Variants in TBXAS1 observed in about 807,000 individuals in gnomAD.
TBXAS1 encodes thromboxane A synthase 1, also known as thromboxane-A synthase.
Under a neutral mutation model 60.7 loss-of-function variants are expected in TBXAS1, and 48 were observed. The observed-to-expected ratio is 0.79, with a 90% CI of 0.63 to 1.01. The LOEUF (loss-of-function observed/expected upper bound fraction) is 1.01, where lower values mean the gene tolerates loss of function less well. Among genes scored for constraint, TBXAS1 ranks in the 50% least tolerant of loss-of-function variants. The pLI is 0.00. For missense variants in TBXAS1, 685 were observed against 686.3 expected, an observed-to-expected ratio of 1.00 and a Z score of 0.02; for synonymous variants, 287 against 269.7, an observed-to-expected ratio of 1.06 and a Z score of -0.63.
chr7:139,842,888 T>TC (rs1436214228), intron 1 of TBXAS1, among the ~76,000 whole-genome samples: 2 of 152,152 alleles, frequency 1.3e-5, no homozygotes, highest in African/African-American at 2.4e-5. Context: ...GCCCCTTTTT[T>TC]CCCCTCGAAG....
intron 1 of TBXAS1, among the ~76,000 whole-genome samples, chr7:139,842,736 C>T (rs747718117): frequency 6.6e-6 from 1 of 152,234 alleles, no homozygotes; most frequent in Non-Finnish European, 1.5e-5. Flanking sequence ...TTGCTTTCAG[C>T]CTCAGCCCTC....
chr7:139,903,827 A>G (rs561496102), intron 3 of TBXAS1, among the ~76,000 whole-genome samples: 2 of 151,614 alleles, frequency 1.3e-5, no homozygotes, highest in Non-Finnish European at 2.9e-5. Context: ...GATTTTTTTG[A>G]GTTCATTGTA....
intron 3 of TBXAS1, among the ~76,000 whole-genome samples, chr7:139,884,554 C>T (rs915631025): frequency 1.3e-5 from 2 of 152,124 alleles, no homozygotes; most frequent in East Asian, 1.9e-4. Flanking sequence ...CTGTGGGTAC[C>T]GAGAGAGCAG....
chr7:139,794,900 A>T (rs1285137197), intron 4 of TBXAS1, among the ~76,000 whole-genome samples: 1 of 133,112 alleles, frequency 7.5e-6, no homozygotes. Flanking sequence ...ACATTTTCTT[A>T]ATCCAGTCTA....
chr7:139,922,908 A>T (rs1806588173), intron 4 of TBXAS1, among the ~76,000 whole-genome samples: 1 of 152,236 alleles, frequency 6.6e-6, no homozygotes, highest in African/African-American at 2.4e-5. Context: ...CCTTTGTCAT[A>T]AATCAAGAGA....
intron 9 of TBXAS1, among the ~76,000 whole-genome samples, chr7:139,964,336 C>T (rs1417347909): frequency 2.0e-5 from 3 of 152,202 alleles, no homozygotes; most frequent in African/African-American, 4.8e-5. Flanking sequence ...CCGCCTGCCT[C>T]GGCCTCCCAA....
rs1262935267 is a variant in TBXAS1, at chr7:139,975,073, AAC to A, written c.1134+12842_1134+12843del. On this transcript the variant is annotated intron_variant, in intron 9 of 12. Coordinates refer to ENST00000448866, the MANE Select transcript of TBXAS1 (RefSeq NM_001061.7). This position sits in a 1 kb window ranked among gnomAD's most constrained non-coding sequence, Gnocchi z 4.4. ...TGGACAACCAGGCAGGAGTCAATGC[AAC>A]AGTCTAGACACAGAATTCTTTCTTC... Among the ~76,000 whole-genome samples, 2 of 152,230 alleles carry A rather than the reference AAC, an allele frequency of 1.3e-5. No homozygotes were observed. Among genetic ancestry groups the A allele is most frequent in the Non-Finnish European group, 2.9e-5 (2 of 68,032 alleles).
Position 139,852,358 on chromosome 7 carries a change from G to GA in TBXAS1, c.90-19875dup, listed in dbSNP as rs944742049. ...CAAACCCAGAAAAGTGGTCTGTTCGGAAGGTCAGGCAGGTTCTGTGGGTCT... is the reference window on the plus strand; with the variant it reads ...CAAACCCAGAAAAGTGGTCTGTTCGGAAAGGTCAGGCAGGTTCTGTGGGTCT... On this transcript the variant is annotated intron_variant, in intron 1 of 12. Coordinates refer to ENST00000448866, the MANE Select transcript of TBXAS1 (RefSeq NM_001061.7). This position sits in a 1 kb window ranked among gnomAD's most constrained non-coding sequence, Gnocchi z 4.4. Among the ~76,000 whole-genome samples the GA allele has an allele frequency of 5.3e-5, 8 of 152,232 alleles. No individual in the cohort carries two copies. The highest frequency in any genetic ancestry group is 1.9e-4 in the African/African-American group (8 of 41,470).
At chr7:140,005,194 C>T (rs965597578) in intron 9 of TBXAS1, among the ~76,000 whole-genome samples, 2 of 152,180 alleles carry the variant, frequency 1.3e-5, no homozygotes, top group African/African-American at 2.4e-5. Flanking sequence ...TTTGGAAGGC[C>T]GAGGCAGGCG....
intron 4 of TBXAS1, among the ~76,000 whole-genome samples, chr7:139,915,056 A>C (rs1163647718): frequency 1.3e-5 from 2 of 152,214 alleles, no homozygotes; most frequent in Non-Finnish European, 2.9e-5. Context: ...TAAGATCTCC[A>C]GGAAATCCCA....
intron 3 of TBXAS1, among the ~76,000 whole-genome samples, chr7:139,904,535 G>A (rs1334898765): frequency 2.0e-5 from 3 of 152,152 alleles, no homozygotes; most frequent in Non-Finnish European, 4.4e-5. Context: ...ATTGCTTTTG[G>A]CAGTATGATC....
chr7:139,849,645 G>C (rs1410904007), intron 1 of TBXAS1, among the ~76,000 whole-genome samples: 1 of 152,170 alleles, frequency 6.6e-6, no homozygotes, highest in East Asian at 1.9e-4. Flanking sequence ...TGATGACGGA[G>C]CATGAGCACA....
intron 1 of TBXAS1, among the ~76,000 whole-genome samples, chr7:139,870,332 A>G (rs1801726379): frequency 6.6e-6 from 1 of 152,246 alleles, no homozygotes; most frequent in African/African-American, 2.4e-5. Flanking sequence ...AGATGTAATT[A>G]TGTGGTCCAA....
intron 9 of TBXAS1, among the ~76,000 whole-genome samples, chr7:139,971,523 G>A (rs1004236795): frequency 6.6e-6 from 1 of 152,270 alleles, no homozygotes; most frequent in East Asian, 1.9e-4. Context: ...GCCTGTTCCC[G>A]TCCTGGGGAT....
chr7:139,923,786 G>A (rs962757454), intron 4 of TBXAS1, among the ~76,000 whole-genome samples: 6 of 150,480 alleles, frequency 4.0e-5, no homozygotes, highest in African/African-American at 1.2e-4. Flanking sequence ...CACCTCCCTC[G>A]ACACTCTTTC....
chr7:140,017,703 C>T lies in TBXAS1; in HGVS notation c.1397C>T (p.Pro466Leu). Residue 466 changes from proline to leucine, a missense_variant, in exon 12 of 13, where the codon CCC (proline) becomes CTC (leucine). Physicochemically the swap from Pro to Leu is moderately conservative, Grantham distance 98. Coordinates refer to ENST00000448866, the MANE Select transcript of TBXAS1 (RefSeq NM_001061.7). ...GCTGAGGCCCGGCAGCAGCACCGGC[C>T]CTTCACGTACCTGCCCTTCGGGGCC... is the stretch of plus-strand genomic sequence containing the variant. ...FTAEARQQHRPFTYLPFGAGP... is the reference protein window; with the variant it reads ...FTAEARQQHRLFTYLPFGAGP... 1 of 1,613,768 alleles carries T rather than the reference C, an allele frequency of 6.2e-7. No individual in the cohort carries two copies. Among genetic ancestry groups the T allele is most frequent in the Non-Finnish European group, 8.5e-7 (1 of 1,179,888 alleles).
Position 139,916,603 on chromosome 7 carries a change from C to T in TBXAS1, c.333+5282C>T, listed in dbSNP as rs1805995735. On this transcript the variant is annotated intron_variant, in intron 4 of 12. Coordinates refer to ENST00000448866, the MANE Select transcript of TBXAS1 (RefSeq NM_001061.7). The surrounding 1 kb of genome is among the most constrained non-coding windows in gnomAD (Gnocchi z 4.2). ...GCTGCTTCACTCGCTCTCCACACAG[C>T]TGTGAACATTGCAGGATGAGTCACT... is the stretch of plus-strand genomic sequence containing the variant. Among the ~76,000 whole-genome samples the T allele has an allele frequency of 6.6e-6, 1 of 152,226 alleles. No individual in the cohort carries two copies. Among genetic ancestry groups the T allele is most frequent in the Non-Finnish European group, 1.5e-5 (1 of 68,034 alleles).
chr7:139,812,162 C>G (rs1323606189), intron 4 of TBXAS1, among the ~76,000 whole-genome samples: 1 of 152,144 alleles, frequency 6.6e-6, no homozygotes, highest in Non-Finnish European at 1.5e-5. Context: ...CTCTCTTTTT[C>G]TTGTGTGCCA....
chr7:139,871,936 A>G (rs1319877574), intron 1 of TBXAS1, among the ~76,000 whole-genome samples: 1 of 152,160 alleles, frequency 6.6e-6, no homozygotes, highest in Non-Finnish European at 1.5e-5. Context: ...AAAACAATCT[A>G]TTAAGAGGAA....
Sources: allele counts gnomAD v4.1 joint callset (sites outside exome capture counted in the v4.1 genomes callset), GRCh38; gene constraint gnomAD v4.1.1; non-coding constraint Gnocchi (gnomAD v3.1); transcripts MANE v1.5; gene names NCBI Gene and HGNC (gene_info 2026-07-23, HGNC 2026-07-21).